The following SCAI variants were observed in gnomAD, a reference collection of about 807,000 sequenced individuals.
SCAI encodes protein SCAI.
Under a neutral mutation model 92.2 loss-of-function variants are expected in SCAI, and 24 were observed. The observed-to-expected ratio is 0.26, with a 90% CI of 0.19 to 0.37. SCAI has a LOEUF of 0.37. Ranked by LOEUF, SCAI falls within the 10% of genes least tolerant of loss-of-function variation. SCAI has a pLI of 1.00. For missense variants in SCAI, 450 were observed against 736.2 expected, an observed-to-expected ratio of 0.61 and a Z score of 4.50; for synonymous variants, 261 against 258.6, an observed-to-expected ratio of 1.01 and a Z score of -0.09.
At chr9:125,000,631 AT>A (rs1317794151) in intron 12 of SCAI, among the ~76,000 whole-genome samples, 1 of 148,542 alleles carries the variant, frequency 6.7e-6, no homozygotes, top group East Asian at 2.0e-4. Flanking sequence ...GCAGAATAAA[AT>A]AAGCTTTTTT....
intron 2 of SCAI, among the ~76,000 whole-genome samples, chr9:125,104,382 G>A (rs556979918): frequency 2.0e-5 from 3 of 152,126 alleles, no homozygotes; most frequent in Admixed American, 6.5e-5. Context: ...TGAATCCTAA[G>A]TCAGTAACAC....
At chr9:125,081,151 G>A (rs1177345262) in intron 2 of SCAI, among the ~76,000 whole-genome samples, 1 of 152,190 alleles carries the variant, frequency 6.6e-6, no homozygotes, top group African/African-American at 2.4e-5. Context: ...GAGTGAAAAT[G>A]GAATAATACA....
At chr9:125,073,000 T>C (rs766149031) in intron 2 of SCAI, among the ~76,000 whole-genome samples, 10 of 151,800 alleles carry the variant, frequency 6.6e-5, no homozygotes, top group Non-Finnish European at 1.5e-4. Context: ...TGAACATGGG[T>C]ATACAAATAT....
chr9:125,068,736 A>AGAT (rs1450191472), intron 2 of SCAI, among the ~76,000 whole-genome samples: 1 of 152,184 alleles, frequency 6.6e-6, no homozygotes, highest in African/African-American at 2.4e-5. Flanking sequence ...ACCTGTTGTG[A>AGAT]AGATAAAAAT....
chr9:125,082,920 T>C lies in SCAI; in HGVS notation c.99-26913A>G, dbSNP rs1834251582. On this transcript the variant is annotated intron_variant, in intron 2 of 17. Coordinates refer to ENST00000336505, the MANE Select transcript of SCAI (RefSeq NM_001144877.3). The stretch of plus-strand genomic sequence containing the variant: ...TTGTCTTGAATGAAACTTTGGACTT[T>C]TGAGTTAATGCTGAAATGAGTTAAG... Among the ~76,000 whole-genome samples the C allele has an allele frequency of 3.3e-5, 5 of 152,304 alleles. 1 individual carries two copies. In the South Asian group the frequency reaches 1.0e-3, roughly 32 times the overall value.
chr9:125,082,549 C>A (rs1252092852), intron 2 of SCAI, among the ~76,000 whole-genome samples: 1 of 152,182 alleles, frequency 6.6e-6, no homozygotes, highest in East Asian at 1.9e-4. Flanking sequence ...GCACCATGCG[C>A]CTGGAAAATC....
chr9:125,089,165 T>C (rs1333450925), intron 2 of SCAI, among the ~76,000 whole-genome samples: 1 of 152,234 alleles, frequency 6.6e-6, no homozygotes, highest in Non-Finnish European at 1.5e-5. Flanking sequence ...TTTCTTATTC[T>C]TAATTCAGTT....
intron 17 of SCAI, chr9:124,968,944 GAA>G (rs544681413): frequency 0.012 from 2,937 of 245,366 alleles, no homozygotes; most frequent in Middle Eastern, 0.019. Flanking sequence ...TTATTTTTTG[GAA>G]AAAAAAAAAA....
intron 4 of SCAI, among the ~76,000 whole-genome samples, chr9:125,029,185 T>C (rs360203): frequency 0.02 from 3,035 of 152,224 alleles, 92 homozygotes; most frequent in African/African-American, 0.069. Context: ...AGTGATGCAA[T>C]CTCTGCTCAC....
Position 125,017,755 on chromosome 9 carries a change from T to C in SCAI, c.861+1044A>G, listed in dbSNP as rs141386492. On this transcript the variant is annotated intron_variant, in intron 9 of 17. Coordinates refer to ENST00000336505, the MANE Select transcript of SCAI (RefSeq NM_001144877.3). ...CAAGTGCGGTGGCTCACACCTGTAA[T>C]CCCAACACTTTGGGAGGCTGAGGCA... 8.9e-3 allele frequency among the ~76,000 whole-genome samples: 1,359 copies of C among 152,198 alleles called. 27 individuals are homozygous for C. Among genetic ancestry groups the C allele is most frequent in the African/African-American group, 0.031 (1,279 of 41,550 alleles).
At chr9:125,007,253 A>G (rs1564375889) in intron 9 of SCAI, among the ~76,000 whole-genome samples, 1 of 152,220 alleles carries the variant, frequency 6.6e-6, no homozygotes, top group Non-Finnish European at 1.5e-5. Context: ...GAACAGACCA[A>G]CACACTTGTA....
chr9:125,018,687 C>A (rs1832811344), intron 9 of SCAI, 112 bp downstream of exon 9: 1 of 889,584 alleles, frequency 1.1e-6, no homozygotes, highest in Non-Finnish European at 1.7e-6. Flanking sequence ...ATTTAATCAG[C>A]AATTTCCTCA....
intron 11 of SCAI, 42 bp from the exon 12 acceptor site, chr9:125,002,085 G>C: frequency 2.3e-6 from 3 of 1,296,090 alleles, no homozygotes; most frequent in Non-Finnish European, 3.4e-6. Context: ...AACAAACAAG[G>C]ATAAACAACA....
Position 125,143,507 on chromosome 9 carries a change from A to T in SCAI, c.-70T>A, listed in dbSNP as rs975051621. 8.0e-7 allele frequency: 1 copy of T among 1,254,956 alleles called. No homozygotes were observed. Among genetic ancestry groups the T allele is most frequent in the African/African-American group, 1.6e-5 (1 of 63,694 alleles). The allele number at this position is 1,254,956 out of a possible 1,614,324, so 77.7% of individuals were successfully genotyped here. On this transcript the variant is annotated 5_prime_UTR_variant, in exon 1 of 18. Transcript: ENST00000336505. ...CTCGCTCGGGAAGCTGAGGCGGCGGAGGCTGGAGTAGGCGGAGAGGCGGGA... is the reference window on the plus strand; with the variant it reads ...CTCGCTCGGGAAGCTGAGGCGGCGGTGGCTGGAGTAGGCGGAGAGGCGGGA...
rs75195596 is a variant in SCAI, at chr9:125,102,287, A to C, written c.98+40346T>G. ...TACTTTTATTTATTTAGCAGCAGAAAAGGATCTATTCATCTATCCTAATTA... is the reference window on the plus strand; with the variant it reads ...TACTTTTATTTATTTAGCAGCAGAACAGGATCTATTCATCTATCCTAATTA... On this transcript the variant is annotated intron_variant, in intron 2 of 17. Transcript: ENST00000336505. Among the ~76,000 whole-genome samples, 2,784 of 152,300 alleles carry C rather than the reference A, an allele frequency of 0.018. 158 individuals are homozygous for C. In the East Asian group the frequency reaches 0.22, roughly 12 times the overall value.
At position 124,992,784 on chromosome 9, in the gene SCAI, G is replaced by A. The variant is rs147872649; in HGVS notation, c.1326+2150C>T. ...TCAAAAGCAAACAACAACAACAAAA[G>A]ACTTGCTATTATTCCACAGCTGTCC... On this transcript the variant is annotated intron_variant, in intron 14 of 17. Transcript: ENST00000336505. Among the ~76,000 whole-genome samples the A allele has an allele frequency of 1.2e-4, 19 of 152,200 alleles. 1 individual carries two copies. In the East Asian group the frequency reaches 3.7e-3, roughly 29 times the overall value.
At chr9:125,039,878 T>C (rs1354293844) in intron 3 of SCAI, among the ~76,000 whole-genome samples, 1 of 152,180 alleles carries the variant, frequency 6.6e-6, no homozygotes, top group African/African-American at 2.4e-5. Flanking sequence ...TAAGCATGGA[T>C]TCAGGGAAGG....
At chr9:125,090,000 T>C (rs1434117543) in intron 2 of SCAI, among the ~76,000 whole-genome samples, 1 of 152,208 alleles carries the variant, frequency 6.6e-6, no homozygotes, top group Non-Finnish European at 1.5e-5. Flanking sequence ...ACCTAGATCA[T>C]GTATTCTCAA....
chr9:125,049,035 G>A (rs972385757), intron 3 of SCAI, among the ~76,000 whole-genome samples: 2 of 152,056 alleles, frequency 1.3e-5, no homozygotes, highest in Non-Finnish European at 2.9e-5. Context: ...GTGAGCCACC[G>A]CACCTGGCTA....
Sources: gnomAD v4.1 joint callset for allele counts (sites outside exome capture counted in the v4.1 genomes callset) on GRCh38, gnomAD v4.1.1 for gene constraint, MANE v1.5 for transcripts, NCBI Gene and HGNC (gene_info 2026-07-23, HGNC 2026-07-21) for gene names.